The following NRXN1 variants were observed in gnomAD, a reference collection of about 807,000 sequenced individuals.
NRXN1 encodes the protein neurexin 1, also known as neurexin-1.
A neutral mutation model predicts 150.9 loss-of-function variants in NRXN1; 39 were observed. The ratio of observed to expected loss-of-function variants is 0.26; its 90% CI spans 0.20 to 0.34. The LOEUF (loss-of-function observed/expected upper bound fraction) is 0.34, where lower values mean the gene tolerates loss of function less well. NRXN1 is among the 10% of genes least tolerant of loss of function. The pLI is 1.00. For synonymous variants in NRXN1, 924 were observed against 757.0 expected (o/e 1.22, Z -3.62); for missense variants, 1,815 against 1,949.9 (o/e 0.93, Z 1.30).
intron 2 of NRXN1, among the ~76,000 whole-genome samples, chr2:50,985,883 G>A (rs1447706858): frequency 6.6e-6 from 1 of 151,528 alleles, no homozygotes; most frequent in Non-Finnish European, 1.5e-5. Context: ...TCCCATATAT[G>A]ACTTACAAAA....
chr2:50,825,307 C>T (rs1670297931), intron 5 of NRXN1, among the ~76,000 whole-genome samples: 1 of 152,156 alleles, frequency 6.6e-6, no homozygotes, highest in African/African-American at 2.4e-5. Context: ...CATTTGTATG[C>T]TAATGAATGT....
At chr2:50,321,226 T>C (rs1397265156) in intron 17 of NRXN1, among the ~76,000 whole-genome samples, 1 of 152,138 alleles carries the variant, frequency 6.6e-6, no homozygotes, top group African/African-American at 2.4e-5. Context: ...CTGGAATGCA[T>C]GACTCTACAC....
At chr2:50,525,738 A>G (rs910801682) in intron 12 of NRXN1, among the ~76,000 whole-genome samples, 1 of 152,222 alleles carries the variant, frequency 6.6e-6, no homozygotes, top group Non-Finnish European at 1.5e-5. Context: ...ATAGCTGAAA[A>G]TAAGCTTTTT....
intron 19 of NRXN1, among the ~76,000 whole-genome samples, chr2:50,088,648 T>G (rs1699139439): frequency 6.6e-6 from 1 of 152,250 alleles, no homozygotes; most frequent in African/African-American, 2.4e-5. Context: ...CTCATTTCTA[T>G]TTTTAAACAT....
chr2:50,382,750 C>T (rs531234484), intron 17 of NRXN1, among the ~76,000 whole-genome samples: 77 of 152,192 alleles, frequency 5.1e-4, no homozygotes, highest in Non-Finnish European at 6.3e-4. Context: ...CAAGTCAGGA[C>T]GAGAAGAGAT....
At chr2:50,277,754 T>C (rs1038087671) in intron 17 of NRXN1, among the ~76,000 whole-genome samples, 1 of 152,070 alleles carries the variant, frequency 6.6e-6, no homozygotes, top group African/African-American at 2.4e-5. Context: ...TTTGTGTCTG[T>C]TTATACAATT....
chr2:50,476,840 T>C (rs1269525912), intron 15 of NRXN1, among the ~76,000 whole-genome samples: 1 of 152,024 alleles, frequency 6.6e-6, no homozygotes, highest in Non-Finnish European at 1.5e-5. Context: ...GTAATATAAA[T>C]AGGAAAGTTG....
chr2:50,957,908 A>G (rs1363616743), intron 2 of NRXN1, among the ~76,000 whole-genome samples: 2 of 152,188 alleles, frequency 1.3e-5, no homozygotes, highest in East Asian at 1.9e-4. Context: ...AGAACAGTGG[A>G]GAATATTTTA....
intron 5 of NRXN1, among the ~76,000 whole-genome samples, chr2:50,691,880 C>G (rs1401442963): frequency 2.6e-5 from 4 of 152,262 alleles, no homozygotes; most frequent in East Asian, 3.9e-4. Context: ...AAGATGAATA[C>G]TAAGACTCAT....
rs764037107 is a variant in NRXN1 at position 50,925,904 on chromosome 2, T to C, written c.790+34A>G. On this transcript the variant is annotated intron_variant, in intron 3 of 22. Transcript: ENST00000401669. ...TTAGTACTAAGAAATAAAGGACAAA[T>C]GAGAGTTGGAAAAATAAGGTAGAAA... 6 of 1,536,216 alleles carry C rather than the reference T, an allele frequency of 3.9e-6. No homozygotes were observed. In the East Asian group the frequency reaches 7.2e-5, roughly 18 times the overall value.
chr2:50,613,922 T>G (rs941378392), intron 8 of NRXN1, among the ~76,000 whole-genome samples: 6 of 152,064 alleles, frequency 3.9e-5, no homozygotes, highest in Admixed American at 3.9e-4. Flanking sequence ...TGGGTTCATA[T>G]AAGTGAAGAT....
intron 17 of NRXN1, among the ~76,000 whole-genome samples, chr2:50,284,238 AT>A (rs2071823588): frequency 6.6e-6 from 1 of 152,124 alleles, no homozygotes; most frequent in African/African-American, 2.4e-5. Flanking sequence ...TAAAAGTGGT[AT>A]TTCTCTTCAT....
At chr2:50,511,838 C>A (rs1573334796) in intron 12 of NRXN1, among the ~76,000 whole-genome samples, 1 of 151,996 alleles carries the variant, frequency 6.6e-6, no homozygotes, top group Admixed American at 6.6e-5. Flanking sequence ...ATTTTAGTAA[C>A]CACATTTGCT....
At chr2:50,591,263 A>G (rs574572512) in intron 8 of NRXN1, among the ~76,000 whole-genome samples, 2 of 128,164 alleles carry the variant, frequency 1.6e-5, no homozygotes, top group Non-Finnish European at 3.0e-5. Context: ...ATGACTCGAC[A>G]AAGGAAAAAA....
chr2:49,967,052 T>C (rs1371122066), intron 21 of NRXN1, among the ~76,000 whole-genome samples: 1 of 152,128 alleles, frequency 6.6e-6, no homozygotes, highest in African/African-American at 2.4e-5. Flanking sequence ...CTTAGGCAAT[T>C]GATCGAACCC....
intron 5 of NRXN1, among the ~76,000 whole-genome samples, chr2:50,837,398 A>T (rs981324081): frequency 8.5e-5 from 13 of 152,244 alleles, no homozygotes; most frequent in African/African-American, 2.9e-4. Flanking sequence ...TTTGGGTCAG[A>T]TGAGAATGGG....
intron 17 of NRXN1, among the ~76,000 whole-genome samples, chr2:50,392,886 A>G (rs1409565772): frequency 1.3e-5 from 2 of 152,094 alleles, no homozygotes; most frequent in African/African-American, 4.8e-5. Context: ...AGGGAGGGTA[A>G]GGCAGGAAGA....
intron 21 of NRXN1, among the ~76,000 whole-genome samples, chr2:49,955,794 G>C (rs1453609513): frequency 6.6e-6 from 1 of 151,832 alleles, no homozygotes; most frequent in African/African-American, 2.4e-5. Context: ...TCCTGAAAGA[G>C]GCCAGCCATA....
intron 5 of NRXN1, among the ~76,000 whole-genome samples, chr2:50,878,315 T>C (rs1678913029): frequency 6.6e-6 from 1 of 151,928 alleles, no homozygotes; most frequent in African/African-American, 2.4e-5. Flanking sequence ...AAATTTTCCC[T>C]GTGAGTAGAA....
Sources: gnomAD v4.1 joint callset for allele counts (sites outside exome capture counted in the v4.1 genomes callset) on GRCh38, gnomAD v4.1.1 for gene constraint, MANE v1.5 for transcripts, NCBI Gene and HGNC (gene_info 2026-07-23, HGNC 2026-07-21) for gene names.